AKAP6: variants seen among roughly 807,000 people sequenced by gnomAD.
AKAP6 encodes A-kinase anchoring protein 6.
In AKAP6, 58 loss-of-function variants were observed where a neutral mutation model predicts 188.5. That is an observed-to-expected ratio of 0.31 (90% CI 0.25 to 0.38). The LOEUF (loss-of-function observed/expected upper bound fraction) is 0.38, where lower values mean the gene tolerates loss of function less well. AKAP6 is among the 10% of genes least tolerant of loss of function. The probability of loss-of-function intolerance (pLI) is 1.00; values close to 1 mark genes in which losing one functional copy is unlikely to be tolerated. For synonymous variants in AKAP6, 989 were observed against 998.6 expected (o/e 0.99, Z 0.18); for missense variants, 2,710 against 2,740.0 (o/e 0.99, Z 0.24).
rs954521158 is a variant in AKAP6, at chr14:32,672,314, A to C, written c.2731-5997A>C. 4.6e-5 allele frequency among the ~76,000 whole-genome samples: 7 copies of C among 152,348 alleles called. No individual in the cohort carries two copies. The East Asian group carries it at 1.2e-3, about 25-fold the overall frequency. On this transcript the variant is annotated intron_variant, in intron 7 of 13. Coordinates refer to ENST00000280979, the MANE Select transcript of AKAP6 (RefSeq NM_004274.5). ...TGTATTAAATCTCAGATGAGAAGGC[A>C]GCATTTCTAACATGATTAGGCTGCC...
At chr14:32,619,581 A>G (rs992041737) in intron 7 of AKAP6, among the ~76,000 whole-genome samples, 1 of 152,144 alleles carries the variant, frequency 6.6e-6, no homozygotes. Context: ...ATAGCCTTGT[A>G]GTATAATTTG....
At chr14:32,396,140 G>A (rs1246533818) in intron 1 of AKAP6, among the ~76,000 whole-genome samples, 2 of 152,054 alleles carry the variant, frequency 1.3e-5, no homozygotes, top group East Asian at 3.9e-4. Context: ...GGAGAATGAT[G>A]GGAGGAGAAA....
intron 2 of AKAP6, among the ~76,000 whole-genome samples, chr14:32,468,248 A>G (rs147147127): frequency 6.6e-6 from 1 of 152,320 alleles, no homozygotes; most frequent in African/African-American, 2.4e-5. Flanking sequence ...GATGACATTA[A>G]TGAAGAGAAA....
rs533816773 is a variant in AKAP6 at position 32,720,214 on chromosome 14, G to C, written c.3001-12240G>C. On this transcript the variant is annotated intron_variant, in intron 9 of 13. Transcript: ENST00000280979. The stretch of plus-strand genomic sequence containing the variant: ...GGGTCTCAAATATTCAAGATACTCT[G>C]TGGTCAACTAAAGAAGACATAGCCA... 9.8e-5 allele frequency among the ~76,000 whole-genome samples: 15 copies of C among 152,296 alleles called. No individual in the cohort carries two copies. The South Asian group carries it at 2.9e-3, about 29-fold the overall frequency.
chr14:32,480,371 G>T (rs1433525892), intron 2 of AKAP6, among the ~76,000 whole-genome samples: 4 of 152,124 alleles, frequency 2.6e-5, no homozygotes, highest in Non-Finnish European at 5.9e-5. Flanking sequence ...GAAAGATCTG[G>T]GTTAAGCCCT....
intron 7 of AKAP6, among the ~76,000 whole-genome samples, chr14:32,628,736 A>G (rs1327984790): frequency 1.3e-5 from 2 of 152,024 alleles, no homozygotes; most frequent in South Asian, 2.1e-4. Context: ...ATGGAAATAG[A>G]AAAAAAGTCC....
chr14:32,678,989 A>C (rs542096056), intron 8 of AKAP6, among the ~76,000 whole-genome samples: 12 of 152,268 alleles, frequency 7.9e-5, no homozygotes, highest in African/African-American at 2.9e-4. Context: ...AAAGGACCCA[A>C]CACCTTCAGT....
At chr14:32,388,886 G>C (rs1888617536) in intron 1 of AKAP6, among the ~76,000 whole-genome samples, 1 of 152,154 alleles carries the variant, frequency 6.6e-6, no homozygotes, top group Non-Finnish European at 1.5e-5. Flanking sequence ...CCAGGGTATA[G>C]TTTAAATCAA....
intron 1 of AKAP6, among the ~76,000 whole-genome samples, chr14:32,394,084 A>C (rs1367601170): frequency 2.0e-5 from 3 of 152,168 alleles, no homozygotes; most frequent in Non-Finnish European, 2.9e-5. Context: ...TAGTGCATGA[A>C]TTCTGCCTTT....
chr14:32,741,814 T>G (rs2031688008), intron 11 of AKAP6, among the ~76,000 whole-genome samples: 1 of 143,098 alleles, frequency 7.0e-6, no homozygotes, highest in East Asian at 2.2e-4. Context: ...GATATTAGCC[T>G]GTAGGTTTTT....
intron 12 of AKAP6, among the ~76,000 whole-genome samples, chr14:32,817,599 A>G (rs114906863): frequency 0.017 from 2,561 of 152,096 alleles, 69 homozygotes; most frequent in African/African-American, 0.059. Context: ...AGACCCTTGC[A>G]TGAATTAATT....
intron 11 of AKAP6, among the ~76,000 whole-genome samples, chr14:32,771,289 T>C (rs1209940735): frequency 6.7e-6 from 1 of 150,116 alleles, no homozygotes; most frequent in Non-Finnish European, 1.5e-5. Flanking sequence ...AGTGCACATG[T>C]AGGATAAATT....
intron 11 of AKAP6, among the ~76,000 whole-genome samples, chr14:32,745,493 CTCTG>C (rs796606475): frequency 3.8e-4 from 40 of 104,972 alleles, no homozygotes; most frequent in African/African-American, 5.7e-4. Flanking sequence ...CTCTCTCTCT[CTCTG>C]TCTCTCTCTC....
intron 10 of AKAP6, chr14:32,733,963 A>G (rs1201389496): frequency 9.9e-5 from 15 of 152,174 alleles, no homozygotes; most frequent in Non-Finnish European, 4.4e-5. Flanking sequence ...ATATTTTTAG[A>G]AAATTGTTTA....
At chr14:32,584,404 T>C (rs1005167975) in intron 5 of AKAP6, among the ~76,000 whole-genome samples, 3 of 152,194 alleles carry the variant, frequency 2.0e-5, no homozygotes, top group African/African-American at 4.8e-5. Context: ...TTAAAACTTA[T>C]GAATTTTTTA....
Position 32,658,484 on chromosome 14 carries a change from G to T in AKAP6, c.2731-19827G>T, listed in dbSNP as rs569915637. ...TCATAACTTTGCAGTTTTTTGTGAT[G>T]CATGAAGATCAGATTTTTTAATGTT... On this transcript the variant is annotated intron_variant, in intron 7 of 13. Transcript: ENST00000280979. 5.9e-5 allele frequency among the ~76,000 whole-genome samples: 9 copies of T among 152,094 alleles called. No individual in the cohort carries two copies. In the South Asian group the frequency reaches 1.9e-3, roughly 32 times the overall value.
At chr14:32,644,871 G>T (rs1887920676) in intron 7 of AKAP6, among the ~76,000 whole-genome samples, 1 of 152,112 alleles carries the variant, frequency 6.6e-6, no homozygotes, top group African/African-American at 2.4e-5. Flanking sequence ...TTCAGTCTTT[G>T]TCAGGATAGA....
At chr14:32,502,237 G>A (rs1880642938) in intron 2 of AKAP6, among the ~76,000 whole-genome samples, 1 of 152,128 alleles carries the variant, frequency 6.6e-6, no homozygotes, top group Non-Finnish European at 1.5e-5. Flanking sequence ...TGGATAAGCT[G>A]TTTTATTTCT....
At chr14:32,649,603 T>C (rs1406093601) in intron 7 of AKAP6, among the ~76,000 whole-genome samples, 1 of 152,172 alleles carries the variant, frequency 6.6e-6, no homozygotes, top group Non-Finnish European at 1.5e-5. Flanking sequence ...ATCTTTTTCC[T>C]TACTGCAAAT....
Sources: gnomAD v4.1 joint callset for allele counts (sites outside exome capture counted in the v4.1 genomes callset) on GRCh38, gnomAD v4.1.1 for gene constraint, MANE v1.5 for transcripts, NCBI Gene and HGNC (gene_info 2026-07-23, HGNC 2026-07-21) for gene names.